The following FAM83B variants were observed in gnomAD, a reference collection of about 807,000 sequenced individuals.
The protein encoded by FAM83B is protein FAM83B.
FAM83B carries 26 observed loss-of-function variants against 38.8 expected under a neutral mutation model. The ratio of observed to expected loss-of-function variants is 0.67; its 90% CI spans 0.49 to 0.93. FAM83B has a LOEUF of 0.93. Ranked by LOEUF, FAM83B falls within the 40% of genes least tolerant of loss-of-function variation. The pLI is 0.00. For missense variants in FAM83B, 1,237 were observed against 1,197.3 expected (o/e 1.03, Z -0.49); for synonymous variants, 419 against 423.1 (o/e 0.99, Z 0.12).
At chr6:54,913,893 C>CT (rs200872130) in intron 2 of FAM83B, among the ~76,000 whole-genome samples, 68 of 142,562 alleles carry the variant, frequency 4.8e-4, no homozygotes, top group African/African-American at 1.7e-3. Context: ...ATGTGATTGT[C>CT]TTTTTTTTTT....
intron 2 of FAM83B, among the ~76,000 whole-genome samples, chr6:54,887,052 T>A (rs1476257260): frequency 6.6e-6 from 1 of 152,198 alleles, no homozygotes; most frequent in African/African-American, 2.4e-5. Context: ...TGTGATCAGA[T>A]AATTTACTCT....
chr6:54,864,597 AG>A (rs577090367), intron 1 of FAM83B, among the ~76,000 whole-genome samples: 164 of 152,350 alleles, frequency 1.1e-3, no homozygotes, highest in African/African-American at 3.7e-3. Flanking sequence ...TGTCAACATG[AG>A]ATATCAAATT....
At chr6:54,890,074 T>G (rs1772365986) in intron 2 of FAM83B, among the ~76,000 whole-genome samples, 1 of 152,046 alleles carries the variant, frequency 6.6e-6, no homozygotes, top group South Asian at 2.1e-4. Context: ...TACAAGAATT[T>G]TATTGCATCA....
intron 1 of FAM83B, among the ~76,000 whole-genome samples, chr6:54,850,731 A>AT (rs1410797312): frequency 6.6e-6 from 1 of 152,152 alleles, no homozygotes; most frequent in Non-Finnish European, 1.5e-5. Context: ...AAAGTACTAT[A>AT]TTTTAACGGC....
intron 4 of FAM83B, among the ~76,000 whole-genome samples, chr6:54,937,711 T>C (rs239795): frequency 0.072 from 11,017 of 152,196 alleles, 510 homozygotes; most frequent in African/African-American, 0.11. Flanking sequence ...CCCAAGCTCA[T>C]GTGTCTACAA....
intron 2 of FAM83B, among the ~76,000 whole-genome samples, chr6:54,903,018 CA>C (rs1206846860): frequency 6.6e-6 from 1 of 151,936 alleles, no homozygotes; most frequent in Non-Finnish European, 1.5e-5. Context: ...TCATGTATAA[CA>C]AGAAGATATG....
At chr6:54,853,301 A>G (rs553125984) in intron 1 of FAM83B, among the ~76,000 whole-genome samples, 2 of 152,340 alleles carry the variant, frequency 1.3e-5, no homozygotes, top group African/African-American at 4.8e-5. Flanking sequence ...ATTGATGAAC[A>G]AAGTGACACT....
chr6:54,882,645 G>A (rs143540160), intron 2 of FAM83B, among the ~76,000 whole-genome samples: 190 of 152,152 alleles, frequency 1.2e-3, no homozygotes, highest in African/African-American at 4.5e-3. Context: ...TCTGCCACAT[G>A]GACTCCAACT....
chr6:54,919,104 A>G (rs1375328633), intron 2 of FAM83B, among the ~76,000 whole-genome samples: 1 of 152,122 alleles, frequency 6.6e-6, no homozygotes, highest in Non-Finnish European at 1.5e-5. Context: ...AAGTTAGAAC[A>G]TGAAAGATTA....
chr6:54,923,913 AC>A (rs1334378865), intron 2 of FAM83B, among the ~76,000 whole-genome samples: 9 of 149,308 alleles, frequency 6.0e-5, no homozygotes, highest in African/African-American at 2.2e-4. Flanking sequence ...CTTATTGCCT[AC>A]TAAAAGATAT....
At chr6:54,915,992 C>T (rs1323128829) in intron 2 of FAM83B, among the ~76,000 whole-genome samples, 1 of 152,110 alleles carries the variant, frequency 6.6e-6, no homozygotes, top group African/African-American at 2.4e-5. Context: ...CGACTTCCCT[C>T]CACAATTGAC....
At chr6:54,901,742 A>C (rs239840) in intron 2 of FAM83B, among the ~76,000 whole-genome samples, 30,357 of 152,154 alleles carry the variant, frequency 0.2, 3,447 homozygotes, top group African/African-American at 0.31. Flanking sequence ...ACATTCAGAT[A>C]ATTTTTTAAA....
chr6:54,900,423 T>C (rs940557369), intron 2 of FAM83B, among the ~76,000 whole-genome samples: 38 of 152,156 alleles, frequency 2.5e-4, no homozygotes, highest in African/African-American at 8.9e-4. Context: ...TCTTGAAGAA[T>C]ATTGAAGCAG....
At chr6:54,887,260 A>T (rs1436602562) in intron 2 of FAM83B, among the ~76,000 whole-genome samples, 1 of 152,182 alleles carries the variant, frequency 6.6e-6, no homozygotes, top group Non-Finnish European at 1.5e-5. Flanking sequence ...GTTCTGCATC[A>T]ACAACCAAAC....
intron 3 of FAM83B, among the ~76,000 whole-genome samples, chr6:54,926,949 G>A: frequency 6.6e-6 from 1 of 152,062 alleles, no homozygotes; most frequent in East Asian, 1.9e-4. Context: ...TGGCCAGGCT[G>A]GTCTTGAACT....
chr6:54,909,896 A>G (rs1018476118), intron 2 of FAM83B, among the ~76,000 whole-genome samples: 2 of 152,172 alleles, frequency 1.3e-5, no homozygotes, highest in South Asian at 4.1e-4. Context: ...GGGATTTTGG[A>G]TGGAAGGAAC....
intron 4 of FAM83B, among the ~76,000 whole-genome samples, chr6:54,933,186 C>T (rs1002387711): frequency 4.6e-5 from 7 of 151,388 alleles, no homozygotes; most frequent in African/African-American, 1.7e-4. Flanking sequence ...ATATCCATGA[C>T]CTGTCTTCAA....
At chr6:54,876,849 G>A (rs1772009852) in intron 2 of FAM83B, among the ~76,000 whole-genome samples, 2 of 152,150 alleles carry the variant, frequency 1.3e-5, no homozygotes, top group Admixed American at 6.5e-5. Flanking sequence ...TATATTTGGG[G>A]ATCTCTGAAG....
intron 1 of FAM83B, among the ~76,000 whole-genome samples, chr6:54,854,523 C>G (rs537588226): frequency 6.6e-6 from 1 of 152,328 alleles, no homozygotes; most frequent in Non-Finnish European, 1.5e-5. Flanking sequence ...AAGATTACAA[C>G]TTGCTGAAGG....
Sources: allele counts gnomAD v4.1 joint callset (sites outside exome capture counted in the v4.1 genomes callset), GRCh38; gene constraint gnomAD v4.1.1; transcripts MANE v1.5; gene names NCBI Gene and HGNC (gene_info 2026-07-23, HGNC 2026-07-21).